Variants in STXBP6 observed in about 807,000 individuals in gnomAD.
STXBP6 encodes the protein syntaxin-binding protein 6.
In STXBP6, 21 loss-of-function variants were observed where a neutral mutation model predicts 26.9. That is an observed-to-expected ratio of 0.78 (90% CI 0.55 to 1.12). The LOEUF is 1.12. Among genes scored for constraint, STXBP6 ranks in the 50% most tolerant of loss-of-function variants. The pLI is 0.00. For synonymous variants in STXBP6, 97 were observed against 92.6 expected, an observed-to-expected ratio of 1.05 and a Z score of -0.27; for missense variants, 232 against 257.9, an observed-to-expected ratio of 0.90 and a Z score of 0.69.
At chr14:24,903,042 C>T (rs1378292566) in intron 2 of STXBP6, among the ~76,000 whole-genome samples, 1 of 152,176 alleles carries the variant, frequency 6.6e-6, no homozygotes, top group Non-Finnish European at 1.5e-5. Context: ...AAGTACTAAT[C>T]ACACAGAGAA....
At chr14:24,892,040 GGTAA>G (rs2070806774) in intron 2 of STXBP6, among the ~76,000 whole-genome samples, 1 of 152,064 alleles carries the variant, frequency 6.6e-6, no homozygotes, top group East Asian at 1.9e-4. Flanking sequence ...TTTCTTTCCT[GGTAA>G]GTATCTCAGT....
intron 2 of STXBP6, among the ~76,000 whole-genome samples, chr14:24,963,820 G>A (rs1367624596): frequency 6.6e-6 from 1 of 152,026 alleles, no homozygotes; most frequent in Non-Finnish European, 1.5e-5. Flanking sequence ...GATTCTAAAA[G>A]TCTGAATACA....
chr14:24,973,235 G>A (rs1256910561), intron 2 of STXBP6, among the ~76,000 whole-genome samples: 10 of 152,034 alleles, frequency 6.6e-5, no homozygotes, highest in African/African-American at 1.2e-4. Context: ...GAATATGCCC[G>A]GCACTGCTTA....
At chr14:24,941,784 T>A (rs569511852) in intron 2 of STXBP6, among the ~76,000 whole-genome samples, 3 of 152,330 alleles carry the variant, frequency 2.0e-5, no homozygotes, top group South Asian at 2.1e-4. Flanking sequence ...TTCCTCTCCT[T>A]GAGAGAGTGC....
Position 24,947,946 on chromosome 14 carries a change from G to T in STXBP6, c.154+26719C>A, listed in dbSNP as rs528565164. ...TTTCTGCCTTCACAAAGATTGCTCA[G>T]ATTTTCACTAGTGACTGACAGTTTC... is the stretch of plus-strand genomic sequence containing the variant. On this transcript the variant is annotated intron_variant, in intron 2 of 5. Coordinates refer to ENST00000323944, the MANE Select transcript of STXBP6 (RefSeq NM_001394410.1). 5.3e-5 allele frequency among the ~76,000 whole-genome samples: 8 copies of T among 152,246 alleles called. No individual in the cohort carries two copies. In the East Asian group the frequency reaches 1.5e-3, roughly 29 times the overall value.
At position 24,890,053 on chromosome 14, in the gene STXBP6, T is replaced by C. The variant is rs182145801; in HGVS notation, c.155-32896A>G. Among the ~76,000 whole-genome samples the C allele has an allele frequency of 2.4e-4, 37 of 152,330 alleles. 1 individual carries two copies. The highest frequency in any genetic ancestry group is 5.8e-4 in the African/African-American group (24 of 41,578). The stretch of plus-strand genomic sequence containing the variant: ...TATTACTGCCAGGATCAGGGAGTCA[T>C]AGGTATTGCTATGGACTGCAAAGCC... On this transcript the variant is annotated intron_variant, in intron 2 of 5. Coordinates refer to ENST00000323944, the MANE Select transcript of STXBP6 (RefSeq NM_001394410.1).
At chr14:24,953,712 T>C (rs1395608618) in intron 2 of STXBP6, among the ~76,000 whole-genome samples, 1 of 152,222 alleles carries the variant, frequency 6.6e-6, no homozygotes, top group Non-Finnish European at 1.5e-5. Flanking sequence ...ATCTTAATTT[T>C]TGTCCACAGT....
intron 2 of STXBP6, among the ~76,000 whole-genome samples, chr14:24,960,450 A>G (rs2073494346): frequency 6.6e-6 from 1 of 152,224 alleles, no homozygotes; most frequent in Non-Finnish European, 1.5e-5. Flanking sequence ...ATTCTACTAT[A>G]TTATGGTAAT....
chr14:24,915,782 C>G (rs1201800751), intron 2 of STXBP6, among the ~76,000 whole-genome samples: 1 of 152,102 alleles, frequency 6.6e-6, no homozygotes, highest in Non-Finnish European at 1.5e-5. Context: ...CAATCACTCC[C>G]TCTCTCAACC....
At chr14:24,866,601 T>C (rs575693644) in intron 2 of STXBP6, among the ~76,000 whole-genome samples, 1 of 152,120 alleles carries the variant, frequency 6.6e-6, no homozygotes, top group Non-Finnish European at 1.5e-5. Flanking sequence ...GTAAGACTTG[T>C]ACACTGAAAA....
chr14:24,842,962 A>ATTTT, intron 4 of STXBP6, among the ~76,000 whole-genome samples: 1 of 152,154 alleles, frequency 6.6e-6, no homozygotes, highest in East Asian at 1.9e-4. Context: ...GGCCCAAAAG[A>ATTTT]GGGGAGTCAC....
chr14:24,988,135 C>A (rs144828791), intron 1 of STXBP6, among the ~76,000 whole-genome samples: 1 of 152,192 alleles, frequency 6.6e-6, no homozygotes, highest in Non-Finnish European at 1.5e-5. Context: ...TCACATAATG[C>A]GGGGCCAAAG....
intron 1 of STXBP6, among the ~76,000 whole-genome samples, chr14:25,019,675 C>T (rs926584081): frequency 1.3e-5 from 2 of 152,144 alleles, no homozygotes; most frequent in African/African-American, 4.8e-5. Flanking sequence ...GACACTCTTG[C>T]CCCATGCTTT....
chr14:24,957,113 A>G (rs1397376106), intron 2 of STXBP6, among the ~76,000 whole-genome samples: 2 of 152,176 alleles, frequency 1.3e-5, no homozygotes, highest in Non-Finnish European at 2.9e-5. Flanking sequence ...CACCAAGTCC[A>G]TAAGGTATGA....
chr14:24,983,873 A>C (rs1273057693), intron 1 of STXBP6, among the ~76,000 whole-genome samples: 1 of 152,238 alleles, frequency 6.6e-6, no homozygotes, highest in Non-Finnish European at 1.5e-5. Context: ...AAACCTATAA[A>C]AACCTAAAAT....
chr14:24,986,812 G>A (rs969289829), intron 1 of STXBP6, among the ~76,000 whole-genome samples: 1 of 152,174 alleles, frequency 6.6e-6, no homozygotes, highest in Non-Finnish European at 1.5e-5. Flanking sequence ...AGAATGCCTT[G>A]GTTAGGATTG....
At chr14:24,912,420 A>G (rs1388111926) in intron 2 of STXBP6, among the ~76,000 whole-genome samples, 1 of 148,336 alleles carries the variant, frequency 6.7e-6, no homozygotes, top group African/African-American at 2.5e-5. Context: ...TGGCTGGGTA[A>G]GGTTTATAGA....
chr14:25,013,870 A>G (rs1210152395), intron 1 of STXBP6, among the ~76,000 whole-genome samples: 1 of 152,200 alleles, frequency 6.6e-6, no homozygotes, highest in Non-Finnish European at 1.5e-5. Flanking sequence ...AACTAAAGAG[A>G]AAAATAATGA....
intron 1 of STXBP6, among the ~76,000 whole-genome samples, chr14:25,029,731 C>T (rs1595347247): frequency 6.6e-6 from 1 of 152,142 alleles, no homozygotes; most frequent in Non-Finnish European, 1.5e-5. Flanking sequence ...ATGGTAGGTG[C>T]TTTCCCTCCT....
Sources: allele counts gnomAD v4.1 joint callset (sites outside exome capture counted in the v4.1 genomes callset), GRCh38; gene constraint gnomAD v4.1.1; transcripts MANE v1.5; gene names NCBI Gene and HGNC (gene_info 2026-07-23, HGNC 2026-07-21).